The following ZNF468 variants were observed in gnomAD, a reference collection of about 807,000 sequenced individuals.
The protein encoded by ZNF468 is zinc finger protein ZNF468.
A neutral mutation model predicts 7.2 loss-of-function variants in ZNF468; 8 were observed. The observed-to-expected ratio is 1.11, with a 90% CI of 0.65 to 2.01. The LOEUF is 2.01. Ranked by LOEUF, ZNF468 falls within the 30% of genes most tolerant of loss-of-function variation. The probability of loss-of-function intolerance (pLI) is 0.00; values close to 1 mark genes in which losing one functional copy is unlikely to be tolerated. For synonymous variants in ZNF468, 218 were observed against 214.4 expected (o/e 1.02, Z -0.15); for missense variants, 608 against 626.5 (o/e 0.97, Z 0.31).
chr19:52,848,963 G>A, intron 3 of ZNF468, 124 bp downstream of exon 3: 3 of 1,479,644 alleles, frequency 2.0e-6, no homozygotes, highest in Non-Finnish European at 1.8e-6. Context: ...ACATCATGAA[G>A]CTTTTCATTT....
intron 3 of ZNF468, among the ~76,000 whole-genome samples, chr19:52,847,351 C>T (rs6509697): frequency 0.44 from 65,474 of 150,122 alleles, 15,759 homozygotes; most frequent in African/African-American, 0.63. Flanking sequence ...TGCGGAAAGC[C>T]GCAGGGACCT....
intron 3 of ZNF468, 148 bp downstream of exon 3, chr19:52,848,939 A>C: frequency 2.2e-6 from 3 of 1,380,718 alleles, no homozygotes; most frequent in Non-Finnish European, 2.9e-6. Flanking sequence ...GGGGACAGTG[A>C]AAGTCCAGAT....
chr19:52,841,164 T>C lies in ZNF468; in HGVS notation c.1130A>G (p.His377Arg), dbSNP rs2063294803. 1 of 1,613,356 alleles carries C rather than the reference T, an allele frequency of 6.2e-7. No individual in the cohort carries two copies. Among genetic ancestry groups the C allele is most frequent in the South Asian group, 1.1e-5 (1 of 91,052 alleles). The change falls in exon 4 of 4, where the codon CAT becomes CGT. Residue 377 changes from histidine (H) to arginine (R), a missense_variant. His to Arg is a conservative substitution (Grantham distance 29). Coordinates refer to ENST00000595646, the MANE Select transcript of ZNF468 (RefSeq NM_001008801.2). Reference protein sequence around the residue: ...LSTLARHHRLHTGEKPYKCEE... With the variant: ...LSTLARHHRLRTGEKPYKCEE... ...ACATTTGTAAGGTTTCTCTCCAGTA[T>C]GAAGTCTATGATGGCGTGCAAGGGT...
In ZNF468 at chr19:52,841,761, T is replaced by C. The variant is rs776991904; in HGVS notation, c.533A>G (p.Gln178Arg). ...INNASSVSTS[Q>R]RICCRPKTHI... Reference sequence around the variant, plus strand: ...GGTTTTGGGCCTACAACAAATTCTTTGGGATGTTGAAACTGAGGAAGCATT... The same window carrying C: ...GGTTTTGGGCCTACAACAAATTCTTCGGGATGTTGAAACTGAGGAAGCATT... The change falls in exon 4 of 4, where the codon CAA becomes CGA. Residue 178 changes from glutamine (Q) to arginine (R), a missense_variant. By Grantham distance (43) the Gln-to-Arg change is conservative. Coordinates refer to ENST00000595646, the MANE Select transcript of ZNF468 (RefSeq NM_001008801.2). The C allele has an allele frequency of 4.3e-6, 7 of 1,614,038 alleles. No homozygotes were observed. Among genetic ancestry groups the C allele is most frequent in the Non-Finnish European group, 5.9e-6 (7 of 1,180,038 alleles).
intron 2 of ZNF468, chr19:52,849,499 A>T: frequency 1.9e-6 from 1 of 520,664 alleles, no homozygotes; most frequent in South Asian, 2.4e-5. Flanking sequence ...AAATGTTTGA[A>T]ACTTTTATAG....
Position 52,840,163 on chromosome 19 carries a change from T to C in ZNF468, c.*562A>G. ...GTGAATTCTCCTATGTATTTGAAGCTGGATTTGTGAATGAAAACTTTGTCA... is the reference window on the plus strand; with the variant it reads ...GTGAATTCTCCTATGTATTTGAAGCCGGATTTGTGAATGAAAACTTTGTCA... On this transcript the variant is annotated 3_prime_UTR_variant, in exon 4 of 4. Transcript: ENST00000595646. 2.4e-6 allele frequency: 1 copy of C among 412,026 alleles called. No homozygotes were observed. Among genetic ancestry groups the C allele is most frequent in the Non-Finnish European group, 4.6e-6 (1 of 218,030 alleles). The allele number at this position is 412,026 out of a possible 1,614,324, so 25.5% of individuals were successfully genotyped here.
intron 3 of ZNF468, among the ~76,000 whole-genome samples, chr19:52,842,551 T>C (rs2063313123): frequency 6.7e-6 from 1 of 149,232 alleles, no homozygotes. Flanking sequence ...AACCACACAA[T>C]ATACTATATT....
At chr19:52,849,783 G>T (rs2063370727) in intron 2 of ZNF468, among the ~76,000 whole-genome samples, 1 of 151,362 alleles carries the variant, frequency 6.6e-6, no homozygotes, top group African/African-American at 2.4e-5. Flanking sequence ...AAGCACCTGT[G>T]GTCCCAGCTA....
chr19:52,846,309 C>T (rs193295739), intron 3 of ZNF468, among the ~76,000 whole-genome samples: 1 of 152,180 alleles, frequency 6.6e-6, no homozygotes, highest in African/African-American at 2.4e-5. Context: ...AAGTGACTAT[C>T]CTGCCTCAGC....
chr19:52,855,204 G>A (rs2063426632), intron 1 of ZNF468, among the ~76,000 whole-genome samples: 1 of 149,552 alleles, frequency 6.7e-6, no homozygotes, highest in African/African-American at 2.5e-5. Context: ...GTGCATTTCT[G>A]ATGGGATTGA....
chr19:52,842,727 T>C (rs1408595808), intron 3 of ZNF468, among the ~76,000 whole-genome samples: 1 of 141,590 alleles, frequency 7.1e-6, no homozygotes, highest in Non-Finnish European at 1.5e-5. Context: ...GCGTCACAAG[T>C]ATTGCATTAA....
intron 2 of ZNF468, 110 bp downstream of exon 2, chr19:52,854,148 G>A (rs1312422857): frequency 6.3e-7 from 1 of 1,599,342 alleles, no homozygotes; most frequent in Admixed American, 1.7e-5. Context: ...CATAAGTGAG[G>A]GTGAGCAAAC....
At chr19:52,854,687 G>C (rs1041061891) in intron 1 of ZNF468, among the ~76,000 whole-genome samples, 1 of 152,104 alleles carries the variant, frequency 6.6e-6, no homozygotes, top group Non-Finnish European at 1.5e-5. Context: ...TCAAAAGTTT[G>C]AGACTAGCCT....
chr19:52,852,876 A>G (rs1344381990), intron 2 of ZNF468, among the ~76,000 whole-genome samples: 1 of 150,264 alleles, frequency 6.7e-6, no homozygotes, highest in African/African-American at 2.4e-5. Context: ...TTTTTTTAAG[A>G]TGGAGTCTTC....
At position 52,849,202 on chromosome 19, in the gene ZNF468, T is replaced by C. The variant is rs563071157; in HGVS notation, c.27A>G (p.Thr9=). 2.0e-5 allele frequency: 33 copies of C among 1,613,832 alleles called. No homozygotes were observed. Among genetic ancestry groups the C allele is most frequent in the East Asian group, 1.8e-4 (8 of 44,840 alleles). Reference sequence around the variant, plus strand: ...AGAATTCTATGGCCACGTCCCTGAATGTCAATAGACCCTGAAATGAAAACA... The same window carrying C: ...AGAATTCTATGGCCACGTCCCTGAACGTCAATAGACCCTGAAATGAAAACA... MALPQGLL[T]FRDVAIEFSQ... Residue 9 remains threonine (T), a synonymous_variant, in exon 3 of 4, where the codon ACA becomes ACG. Transcript: ENST00000595646.
In ZNF468 at chr19:52,856,572, C is replaced by T. The variant is rs531850138; in HGVS notation, c.-74+1000G>A. ...CCCAGATCCCCAGGTGTCCTCCCCG[C>T]TGTGCTTCTCCCTCTGTTCTCCTTG... On this transcript the variant is annotated intron_variant, in intron 1 of 3. Transcript: ENST00000595646. 2.7e-5 allele frequency among the ~76,000 whole-genome samples: 4 copies of T among 146,842 alleles called. No homozygotes were observed. In the East Asian group the frequency reaches 8.0e-4, roughly 29 times the overall value.
chr19:52,844,747 T>C (rs2063329747), intron 3 of ZNF468, among the ~76,000 whole-genome samples: 1 of 152,092 alleles, frequency 6.6e-6, no homozygotes, highest in Non-Finnish European at 1.5e-5. Context: ...CCATGTTGGC[T>C]AGGCTTGTCT....
At chr19:52,856,093 T>C (rs2063435924) in intron 1 of ZNF468, among the ~76,000 whole-genome samples, 1 of 152,262 alleles carries the variant, frequency 6.6e-6, no homozygotes, top group African/African-American at 2.4e-5. Flanking sequence ...CTCCCAACAT[T>C]GAATTCTTCC....
chr19:52,855,255 T>C (rs1000770548), intron 1 of ZNF468, among the ~76,000 whole-genome samples: 3 of 147,162 alleles, frequency 2.0e-5, no homozygotes, highest in Non-Finnish European at 4.5e-5. Context: ...TAGACACTGA[T>C]GGGTAGAGGG....
Sources: allele counts gnomAD v4.1 joint callset (sites outside exome capture counted in the v4.1 genomes callset), GRCh38; gene constraint gnomAD v4.1.1; transcripts MANE v1.5; gene names NCBI Gene and HGNC (gene_info 2026-07-23, HGNC 2026-07-21).